ANKS3: variants seen among roughly 807,000 people sequenced by gnomAD.
ANKS3 encodes the protein ankyrin repeat and sterile alpha motif domain containing 3.
Under a neutral mutation model 80.7 loss-of-function variants are expected in ANKS3, and 62 were observed. That is an observed-to-expected ratio of 0.77 (90% CI 0.63 to 0.95). ANKS3 has a LOEUF of 0.95. Among genes scored for constraint, ANKS3 ranks in the 40% least tolerant of loss-of-function variants. The probability of loss-of-function intolerance (pLI) is 0.00; values close to 1 mark genes in which losing one functional copy is unlikely to be tolerated. For synonymous variants in ANKS3, 489 were observed against 355.3 expected (o/e 1.38, Z -4.23); for missense variants, 1,150 against 883.6 (o/e 1.30, Z -3.82).
At chr16:4,728,773 G>A (rs1435808829) in intron 3 of ANKS3, among the ~76,000 whole-genome samples, 1 of 152,196 alleles carries the variant, frequency 6.6e-6, no homozygotes, top group African/African-American at 2.4e-5. Flanking sequence ...AAAGACTTAA[G>A]AGCCTGAGAA....
intron 8 of ANKS3, among the ~76,000 whole-genome samples, chr16:4,703,610 G>C (rs549039814): frequency 6.6e-6 from 1 of 150,772 alleles, no homozygotes; most frequent in South Asian, 2.1e-4. Context: ...TAGTAAAGAT[G>C]GGATTTCACC....
intron 6 of ANKS3, among the ~76,000 whole-genome samples, chr16:4,715,367 T>G (rs2080739422): frequency 6.6e-6 from 1 of 152,126 alleles, no homozygotes; most frequent in Non-Finnish European, 1.5e-5. Flanking sequence ...ACCAGGCAGC[T>G]GGGGGAGGCA....
chr16:4,720,655 G>A (rs1402640440), intron 6 of ANKS3, among the ~76,000 whole-genome samples: 3 of 150,910 alleles, frequency 2.0e-5, no homozygotes, highest in Non-Finnish European at 3.0e-5. Flanking sequence ...AAATGTCAAC[G>A]GTAGGCCAGG....
At chr16:4,726,955 G>A (rs2142154921) in intron 4 of ANKS3, 24 bp downstream of exon 4, 1 of 1,613,388 alleles carries the variant, frequency 6.2e-7, no homozygotes, top group East Asian at 2.2e-5. Context: ...CAGGTTTCTG[G>A]GCCTGAGTTC....
Position 4,729,974 on chromosome 16 carries a change from T to C in ANKS3, c.170+6A>G. The C allele has an allele frequency of 1.4e-6, 2 of 1,468,836 alleles. No individual in the cohort carries two copies. The highest frequency in any genetic ancestry group is 1.8e-6 in the Non-Finnish European group (2 of 1,098,316). The allele number at this position is 1,468,836 out of a possible 1,614,324, so 91.0% of individuals were successfully genotyped here. ...ATGTGAGAGGAAGTTCCCCGAGATC[T>C]CTTACCGCTGCACACACTCCTTCAC... On this transcript the variant is annotated splice_donor_region_variant and intron_variant, in intron 3 of 17. Coordinates refer to ENST00000304283, the MANE Select transcript of ANKS3 (RefSeq NM_133450.4).
chr16:4,724,656 G>C (rs1359605900), intron 6 of ANKS3, 94 bp downstream of exon 6: 6 of 1,237,698 alleles, frequency 4.8e-6, no homozygotes, highest in Non-Finnish European at 6.9e-6. Flanking sequence ...AGTTATTTCT[G>C]TGCAAAGGAA....
chr16:4,716,442 CA>C (rs1249684187), intron 6 of ANKS3, among the ~76,000 whole-genome samples: 2 of 151,378 alleles, frequency 1.3e-5, no homozygotes, highest in East Asian at 3.9e-4. Context: ...CCCGTTAGAC[CA>C]GGGGGCCTCA....
At chr16:4,717,215 C>T (rs1402018143) in intron 6 of ANKS3, among the ~76,000 whole-genome samples, 1 of 151,962 alleles carries the variant, frequency 6.6e-6, no homozygotes, top group African/African-American at 2.4e-5. Context: ...GCACACCAGC[C>T]TGGGCAACAG....
chr16:4,730,213 G>A (rs1490238259), intron 2 of ANKS3, 62 bp from the exon 3 acceptor site: 3 of 1,402,676 alleles, frequency 2.1e-6, no homozygotes, highest in Admixed American at 5.0e-5. Context: ...CATGAAACAG[G>A]CTGGTCCTGC....
chr16:4,697,858 G>A, intron 15 of ANKS3, 119 bp downstream of exon 15: 1 of 970,620 alleles, frequency 1.0e-6, no homozygotes, highest in Non-Finnish European at 1.5e-6. Context: ...TGTGCACACA[G>A]GGACCTGGGA....
chr16:4,707,957 A>C (rs1359021953), intron 7 of ANKS3, among the ~76,000 whole-genome samples: 2 of 147,526 alleles, frequency 1.4e-5, no homozygotes, highest in African/African-American at 5.3e-5. Context: ...CTAAAAATAC[A>C]AAAAAAAATG....
intron 1 of ANKS3, among the ~76,000 whole-genome samples, chr16:4,733,277 T>G (rs1224468194): frequency 6.7e-6 from 1 of 150,262 alleles, no homozygotes; most frequent in Non-Finnish European, 1.5e-5. Context: ...ATAATCTAAT[T>G]GCACATTTTA....
At chr16:4,724,091 T>C (rs775325739) in intron 6 of ANKS3, among the ~76,000 whole-genome samples, 2 of 152,064 alleles carry the variant, frequency 1.3e-5, no homozygotes, top group Non-Finnish European at 2.9e-5. Context: ...AAAACAGAAA[T>C]ACAACATACA....
chr16:4,698,369 C>T (rs970997959), intron 14 of ANKS3, 58 bp downstream of exon 14: 107 of 1,435,708 alleles, frequency 7.5e-5, no homozygotes, highest in Non-Finnish European at 9.5e-5. Flanking sequence ...TGTGGGGGCC[C>T]AGGGGCCAGG....
At chr16:4,725,980 G>GA (rs2081327112) in intron 5 of ANKS3, among the ~76,000 whole-genome samples, 1 of 137,164 alleles carries the variant, frequency 7.3e-6, no homozygotes, top group African/African-American at 2.7e-5. Flanking sequence ...TGTTGTTTTT[G>GA]TTTTTTTTTT....
chr16:4,721,637 T>TATTG (rs1368531331), intron 6 of ANKS3, among the ~76,000 whole-genome samples: 7 of 149,876 alleles, frequency 4.7e-5, no homozygotes, highest in South Asian at 2.1e-4. Context: ...TTTATTTATT[T>TATTG]ATTTATTTAT....
At chr16:4,719,642 A>G (rs1387969856) in intron 6 of ANKS3, among the ~76,000 whole-genome samples, 1 of 150,308 alleles carries the variant, frequency 6.7e-6, no homozygotes, top group Non-Finnish European at 1.5e-5. Flanking sequence ...TGTCTCTACA[A>G]AAAAAAAACA....
Position 4,734,188 on chromosome 16 carries a change from G to A in ANKS3, c.-321C>T, listed in dbSNP as rs370678362. On this transcript the variant is annotated 5_prime_UTR_variant, in exon 1 of 18. Transcript: ENST00000304283. ...GGGCCTCAGGCCTTGCGCCGCCCTC[G>A]GGCTGCCGTCGCCAACCCCCCCCAA... 10 of 227,864 alleles carry A rather than the reference G, an allele frequency of 4.4e-5. No homozygotes were observed. The East Asian group carries it at 1.1e-3, about 26-fold the overall frequency. The allele number at this position is 227,864 out of a possible 1,614,324, so 14.1% of individuals were successfully genotyped here. A position where few individuals can be genotyped will look rare whatever the true frequency, so the allele number is the denominator to read the frequency against.
chr16:4,699,282 C>T (rs1488094216), intron 11 of ANKS3, 106 bp from the exon 12 acceptor site: 1 of 1,462,402 alleles, frequency 6.8e-7, no homozygotes, highest in Non-Finnish European at 9.2e-7. Flanking sequence ...AGAACCAAGA[C>T]AGTGCCTTGT....
Sources: gnomAD v4.1 joint callset for allele counts (sites outside exome capture counted in the v4.1 genomes callset) on GRCh38, gnomAD v4.1.1 for gene constraint, MANE v1.5 for transcripts, NCBI Gene and HGNC (gene_info 2026-07-23, HGNC 2026-07-21) for gene names.